The following BIRC6 variants were observed in gnomAD, a reference collection of about 807,000 sequenced individuals.
BIRC6 encodes the protein dual E2 ubiquitin-conjugating enzyme/E3 ubiquitin-protein ligase BIRC6.
BIRC6 carries 98 observed loss-of-function variants against 503.3 expected under a neutral mutation model. The observed-to-expected ratio is 0.19, with a 90% confidence interval of 0.17 to 0.23. BIRC6 has a LOEUF of 0.23. BIRC6 is among the 10% of genes least tolerant of loss of function. The pLI is 1.00. For missense variants in BIRC6, 5,360 were observed against 5,806.0 expected (o/e 0.92, Z 2.50); for synonymous variants, 2,240 against 2,078.7 (o/e 1.08, Z -2.11).
At chr2:32,600,163 A>G (rs917362902) in intron 70 of BIRC6, among the ~76,000 whole-genome samples, 4 of 152,200 alleles carry the variant, frequency 2.6e-5, no homozygotes, top group African/African-American at 9.7e-5. Flanking sequence ...GCTATTAGGA[A>G]CTTATTTTAA....
At chr2:32,436,244 A>C in intron 15 of BIRC6, 60 bp downstream of exon 15, 1 of 1,277,702 alleles carries the variant, frequency 7.8e-7, no homozygotes, top group Non-Finnish European at 1.0e-6. Context: ...AAAAAGACGA[A>C]AAAAAACTGA....
Position 32,513,237 on chromosome 2 carries a change from G to T in BIRC6, c.10568+83G>T. 9.5e-6 allele frequency: 9 copies of T among 945,944 alleles called. 1 individual carries two copies. In the South Asian group the frequency reaches 1.3e-4, roughly 14 times the overall value. The allele number at this position is 945,944 out of a possible 1,614,324, so 58.6% of individuals were successfully genotyped here. Reference sequence around the variant, plus strand: ...CTTGATAAAACAAAATATTTTACATGTTTATTAGGAGAAACATAATATTTT... The same window carrying T: ...CTTGATAAAACAAAATATTTTACATTTTTATTAGGAGAAACATAATATTTT... On this transcript the variant is annotated intron_variant, in intron 54 of 73. Transcript: ENST00000421745.
rs370063105 is a variant in BIRC6 at position 32,618,223 on chromosome 2, A to ATT, written c.*322_*323dup. The ATT allele has an allele frequency of 9.3e-3, 1,333 of 143,888 alleles. 12 individuals carry two copies. The highest frequency in any genetic ancestry group is 0.015 in the Middle Eastern group (5 of 334). 8.9% of individuals were successfully genotyped at this position (143,888 alleles called of 1,614,324 possible). ...AGAATGTTTACTGAATGTTTATTTTATTTTATTTTTTTTTTACTATAGAGT... is the reference window on the plus strand; with the variant it reads ...AGAATGTTTACTGAATGTTTATTTTATTTTTTATTTTTTTTTTACTATAGAGT... On this transcript the variant is annotated 3_prime_UTR_variant, in exon 74 of 74. Coordinates refer to ENST00000421745, the MANE Select transcript of BIRC6 (RefSeq NM_016252.4).
At chr2:32,561,887 C>T (rs2059215727) in intron 65 of BIRC6, among the ~76,000 whole-genome samples, 1 of 151,590 alleles carries the variant, frequency 6.6e-6, no homozygotes, top group Non-Finnish European at 1.5e-5. Context: ...ACTAAAAATA[C>T]AAAAACTAGC....
intron 26 of BIRC6, among the ~76,000 whole-genome samples, chr2:32,467,213 C>A (rs1479697072): frequency 6.6e-6 from 1 of 152,028 alleles, no homozygotes; most frequent in Non-Finnish European, 1.5e-5. Flanking sequence ...TGTATTGCAG[C>A]CTGGAGCTCC....
intron 2 of BIRC6, among the ~76,000 whole-genome samples, chr2:32,378,532 A>G (rs1443179328): frequency 1.3e-5 from 2 of 151,072 alleles, no homozygotes; most frequent in Non-Finnish European, 2.9e-5. Flanking sequence ...ACCTTGGCTC[A>G]CTGCAACCTT....
intron 12 of BIRC6, 89 bp downstream of exon 12, chr2:32,431,179 A>ATTTTTTTTTTTTTTTTTTTTTTTTTT (rs1558703328): frequency 2.0e-5 from 1 of 48,888 alleles, no homozygotes; most frequent in Non-Finnish European, 4.2e-5. Flanking sequence ...ATTACTGTTT[A>ATTTTTTTTTTTTTTTTTTTTTTTTTT]TCTTTTTTTT....
At chr2:32,422,521 C>T (rs982031562) in intron 10 of BIRC6, among the ~76,000 whole-genome samples, 4 of 152,138 alleles carry the variant, frequency 2.6e-5, no homozygotes, top group Non-Finnish European at 4.4e-5. Context: ...GGATATCTTG[C>T]ATCTATGAAT....
chr2:32,594,122 T>G, intron 67 of BIRC6, 62 bp downstream of exon 67: 7 of 1,519,020 alleles, frequency 4.6e-6, no homozygotes, highest in East Asian at 4.6e-5. Context: ...ATTTACTTAC[T>G]GAAACCTGCC....
chr2:32,498,052 A>G (rs1025426633), intron 45 of BIRC6, among the ~76,000 whole-genome samples: 4 of 152,084 alleles, frequency 2.6e-5, no homozygotes, highest in Admixed American at 6.5e-5. Context: ...ATCCTTATTT[A>G]TAACTGAATT....
intron 64 of BIRC6, 150 bp downstream of exon 64, chr2:32,548,164 T>C (rs2058179639): frequency 1.6e-6 from 1 of 631,730 alleles, no homozygotes; most frequent in Middle Eastern, 4.7e-4. Flanking sequence ...TACCACTGGA[T>C]AAAGATTGTT....
At chr2:32,437,082 G>A (rs545632311) in intron 15 of BIRC6, among the ~76,000 whole-genome samples, 1 of 151,748 alleles carries the variant, frequency 6.6e-6, no homozygotes, top group Non-Finnish European at 1.5e-5. Flanking sequence ...TGGAGGCGGG[G>A]TTTCATCATG....
chr2:32,388,557 G>C (rs1319829031), intron 3 of BIRC6, among the ~76,000 whole-genome samples, 193 bp from the exon 4 acceptor site: 1 of 151,942 alleles, frequency 6.6e-6, no homozygotes, highest in South Asian at 2.1e-4. Flanking sequence ...TACTTAGATT[G>C]GTTCCATATC....
intron 1 of BIRC6, among the ~76,000 whole-genome samples, chr2:32,367,216 A>G (rs973325236): frequency 1.3e-5 from 2 of 152,072 alleles, no homozygotes; most frequent in African/African-American, 4.8e-5. Flanking sequence ...TAATCCCAGC[A>G]CTTTGGGAGA....
intron 59 of BIRC6, chr2:32,527,178 A>G (rs1553484574): frequency 6.6e-6 from 1 of 152,236 alleles, no homozygotes; most frequent in Non-Finnish European, 1.5e-5. Flanking sequence ...TTACCAGTCC[A>G]TGGTTACTCT....
chr2:32,524,074 A>C (rs538937850), intron 57 of BIRC6, among the ~76,000 whole-genome samples: 8 of 152,072 alleles, frequency 5.3e-5, no homozygotes, highest in African/African-American at 1.9e-4. Context: ...TGGAGACTTG[A>C]TAACAGTTAT....
Position 32,500,103 on chromosome 2 carries a change from A to G in BIRC6, c.9025A>G (p.Ile3009Val). The change falls in exon 46 of 74, where the codon ATA becomes GTA. Residue 3009 changes from isoleucine (I) to valine (V), a missense_variant. Ile to Val is a conservative substitution (Grantham distance 29). This residue lies in a region of BIRC6 where 3 missense variants were observed against 17.6 expected (regional missense o/e 0.17). Transcript: ENST00000421745. ...GTGTAATAGCAGTGCCATGGCAATG[A>G]TAATTGGTATGTATTGAGAATATTA... ...GLCNSSAMAMIIGASGLHLTK... is the reference protein window; with the variant it reads ...GLCNSSAMAMVIGASGLHLTK... 6.2e-7 allele frequency: 1 copy of G among 1,605,044 alleles called. No individual in the cohort carries two copies. Among genetic ancestry groups the G allele is most frequent in the Non-Finnish European group, 8.5e-7 (1 of 1,174,850 alleles).
chr2:32,539,657 A>G (rs2057506852), intron 61 of BIRC6, among the ~76,000 whole-genome samples: 1 of 152,192 alleles, frequency 6.6e-6, no homozygotes, highest in Admixed American at 6.5e-5. Context: ...GGATATAGCT[A>G]CAGCAGTCTA....
At chr2:32,410,410 GAC>G (rs2041734751) in intron 9 of BIRC6, among the ~76,000 whole-genome samples, 1 of 152,166 alleles carries the variant, frequency 6.6e-6, no homozygotes, top group East Asian at 1.9e-4. Flanking sequence ...GGCTGCATGT[GAC>G]TATAGCCAAA....
Sources: allele counts gnomAD v4.1 joint callset (sites outside exome capture counted in the v4.1 genomes callset), GRCh38; gene constraint gnomAD v4.1.1; regional missense constraint gnomAD v4.1.1; transcripts MANE v1.5; gene names NCBI Gene and HGNC (gene_info 2026-07-23, HGNC 2026-07-21).